The following ATP8A2 variants were observed in gnomAD, a reference collection of about 807,000 sequenced individuals.
ATP8A2 encodes ATPase phospholipid transporting 8A2.
A neutral mutation model predicts 165.6 loss-of-function variants in ATP8A2; 100 were observed. The observed-to-expected ratio is 0.60, with a 90% confidence interval of 0.51 to 0.71. The LOEUF (loss-of-function observed/expected upper bound fraction) is 0.71, where lower values mean the gene tolerates loss of function less well. Among genes scored for constraint, ATP8A2 ranks in the 30% least tolerant of loss-of-function variants. The pLI is 0.00. For missense variants in ATP8A2, 1,227 were observed against 1,479.5 expected, an observed-to-expected ratio of 0.83 and a Z score of 2.80; for synonymous variants, 543 against 548.8, an observed-to-expected ratio of 0.99 and a Z score of 0.15.
intron 35 of ATP8A2, among the ~76,000 whole-genome samples, chr13:26,003,645 T>C (rs1257855050): frequency 6.6e-6 from 1 of 152,182 alleles, no homozygotes; most frequent in Non-Finnish European, 1.5e-5. Context: ...CCAGCAGTTT[T>C]AGTTTCAACT....
At chr13:25,381,450 G>T (rs2032833622) in intron 1 of ATP8A2, among the ~76,000 whole-genome samples, 1 of 152,184 alleles carries the variant, frequency 6.6e-6, no homozygotes, top group South Asian at 2.1e-4. Context: ...GTTGTGAGTG[G>T]CTCTGAGTCC....
chr13:25,417,345 C>T (rs1351690117), intron 1 of ATP8A2, among the ~76,000 whole-genome samples: 1 of 152,156 alleles, frequency 6.6e-6, no homozygotes, highest in Non-Finnish European at 1.5e-5. Flanking sequence ...TCTCCCATTT[C>T]CCCAAATGCC....
intron 25 of ATP8A2, among the ~76,000 whole-genome samples, chr13:25,709,508 G>A (rs902086579): frequency 3.3e-5 from 5 of 150,876 alleles, no homozygotes; most frequent in Admixed American, 2.0e-4. Context: ...AAATCATGAT[G>A]AATAGATACT....
At position 25,800,261 on chromosome 13, in the gene ATP8A2, A is replaced by G. The variant is rs375766464; in HGVS notation, c.2679+25302A>G. On this transcript the variant is annotated intron_variant, in intron 27 of 36. Coordinates refer to ENST00000381655, the MANE Select transcript of ATP8A2 (RefSeq NM_016529.6). ...CTGCATCTATAATGAGTAAAAATCT[A>G]TAACAGGTAAAAATGTACAATGGAG... Among the ~76,000 whole-genome samples, 129 of 152,356 alleles carry G rather than the reference A, an allele frequency of 8.5e-4. 2 individuals are homozygous for G. Among genetic ancestry groups the G allele is most frequent in the South Asian group, 4.1e-3 (20 of 4,820 alleles).
At chr13:25,711,299 C>T (rs1248061752) in intron 25 of ATP8A2, among the ~76,000 whole-genome samples, 1 of 152,154 alleles carries the variant, frequency 6.6e-6, no homozygotes, top group Non-Finnish European at 1.5e-5. Flanking sequence ...GCTACCGCGC[C>T]TGGCCAGTCC....
Position 25,398,516 on chromosome 13 carries a change from G to A in ATP8A2, c.76+26228G>A, listed in dbSNP as rs77592040. ...TATTTTGGGGTTACAGCTTTCATAT[G>A]TACAATTACCCAGTTGTGATCACTG... is the stretch of plus-strand genomic sequence containing the variant. On this transcript the variant is annotated intron_variant, in intron 1 of 36. Coordinates refer to ENST00000381655, the MANE Select transcript of ATP8A2 (RefSeq NM_016529.6). Among the ~76,000 whole-genome samples, 952 of 152,300 alleles carry A rather than the reference G, an allele frequency of 6.3e-3. 8 individuals are homozygous for A. The highest frequency in any genetic ancestry group is 0.02 in the African/African-American group (827 of 41,546).
intron 1 of ATP8A2, among the ~76,000 whole-genome samples, chr13:25,413,651 T>C (rs776824917): frequency 2.0e-4 from 30 of 152,296 alleles, no homozygotes; most frequent in Non-Finnish European, 1.9e-4. Flanking sequence ...TCCTTAAGTG[T>C]AGTGTGGAGT....
intron 24 of ATP8A2, among the ~76,000 whole-genome samples, chr13:25,609,876 T>C (rs948041213): frequency 1.8e-4 from 28 of 151,982 alleles, no homozygotes; most frequent in African/African-American, 6.3e-4. Context: ...ATTAGTGATG[T>C]TGAGCATTTT....
At position 25,953,522 on chromosome 13, in the gene ATP8A2, T is replaced by TAAA. The variant is rs374397075; in HGVS notation, c.3184-8031_3184-8029dup. Among the ~76,000 whole-genome samples the TAAA allele has an allele frequency of 2.6e-4, 25 of 94,948 alleles. No homozygotes were observed. Among genetic ancestry groups the TAAA allele is most frequent in the Admixed American group, 2.3e-3 (20 of 8,608 alleles). 62.3% of individuals were successfully genotyped at this position (94,948 alleles called of 152,430 possible). A position where few individuals can be genotyped will look rare whatever the true frequency, so the allele number is the denominator to read the frequency against. On this transcript the variant is annotated intron_variant, in intron 33 of 36. Coordinates refer to ENST00000381655, the MANE Select transcript of ATP8A2 (RefSeq NM_016529.6). This position sits in a 1 kb window ranked among gnomAD's most constrained non-coding sequence, Gnocchi z 6.7. The stretch of plus-strand genomic sequence containing the variant: ...GTAGCCCTGGTTACTCCAGCCTTTT[T>TAAA]AAAAAAAAAAAAAAAAAAAAAAAAG...
chr13:25,879,372 A>C (rs1481872095), intron 33 of ATP8A2, among the ~76,000 whole-genome samples: 1 of 152,252 alleles, frequency 6.6e-6, no homozygotes, highest in Non-Finnish European at 1.5e-5. Flanking sequence ...TAAATATGCC[A>C]GCCAGGATCT....
chr13:25,550,045 C>A (rs952717491), intron 10 of ATP8A2, among the ~76,000 whole-genome samples: 3 of 152,302 alleles, frequency 2.0e-5, no homozygotes, highest in Admixed American at 6.5e-5. Context: ...TGGCTCATGC[C>A]TGTAATCCCA....
chr13:25,541,558 A>G (rs562865615), intron 8 of ATP8A2, among the ~76,000 whole-genome samples: 1 of 152,270 alleles, frequency 6.6e-6, no homozygotes, highest in African/African-American at 2.4e-5. Flanking sequence ...ATAATGTAAA[A>G]TATTGGAGGG....
intron 30 of ATP8A2, among the ~76,000 whole-genome samples, chr13:25,853,250 G>A (rs567846549): frequency 1.3e-5 from 2 of 151,686 alleles, no homozygotes; most frequent in Admixed American, 1.3e-4. Context: ...AAATTAACCG[G>A]GTATAGTGAT....
At chr13:25,902,939 G>A (rs952444502) in intron 33 of ATP8A2, among the ~76,000 whole-genome samples, 4 of 140,526 alleles carry the variant, frequency 2.8e-5, no homozygotes, top group East Asian at 2.1e-4. Context: ...TCCTCAGCAT[G>A]CACACACACA....
chr13:25,686,814 G>A (rs1163815346), intron 24 of ATP8A2, among the ~76,000 whole-genome samples: 1 of 152,048 alleles, frequency 6.6e-6, no homozygotes, highest in Non-Finnish European at 1.5e-5. Context: ...CCAGGATTCT[G>A]ATGGAATCCT....
In ATP8A2 at chr13:25,811,243, C is replaced by G. The variant is rs188397289; in HGVS notation, c.2680-16875C>G. Among the ~76,000 whole-genome samples, 1,139 of 152,128 alleles carry G rather than the reference C, an allele frequency of 7.5e-3. 16 individuals are homozygous for G. The highest frequency in any genetic ancestry group is 0.026 in the African/African-American group (1,095 of 41,490). ...AGGCACTTGGCAATGAAATACATAG[C>G]AATATCAGTGACATAATTTTGGCAG... is the stretch of plus-strand genomic sequence containing the variant. On this transcript the variant is annotated intron_variant, in intron 27 of 36. Coordinates refer to ENST00000381655, the MANE Select transcript of ATP8A2 (RefSeq NM_016529.6).
intron 24 of ATP8A2, among the ~76,000 whole-genome samples, chr13:25,638,020 A>C (rs528227413): frequency 1.3e-5 from 2 of 152,246 alleles, no homozygotes; most frequent in Admixed American, 1.3e-4. Flanking sequence ...CCTCCAGCAA[A>C]CTCCAACAGA....
At chr13:25,487,263 T>G (rs2036382274) in intron 2 of ATP8A2, among the ~76,000 whole-genome samples, 1 of 152,206 alleles carries the variant, frequency 6.6e-6, no homozygotes. Context: ...ATTTCCTGTT[T>G]TGTGCATATA....
intron 29 of ATP8A2, among the ~76,000 whole-genome samples, chr13:25,838,516 G>C (rs1346627078): frequency 6.6e-6 from 1 of 151,646 alleles, no homozygotes; most frequent in Non-Finnish European, 1.5e-5. Flanking sequence ...TGGGAAGTAA[G>C]TAAGAGCTGA....
Sources: allele counts gnomAD v4.1 joint callset (sites outside exome capture counted in the v4.1 genomes callset), GRCh38; gene constraint gnomAD v4.1.1; non-coding constraint Gnocchi (gnomAD v3.1); transcripts MANE v1.5; gene names NCBI Gene and HGNC (gene_info 2026-07-23, HGNC 2026-07-21).